ELAPOR2: variants seen among roughly 807,000 people sequenced by gnomAD.
ELAPOR2 encodes the protein endosome-lysosome associated apoptosis and autophagy regulator family member 2, also known as endosome/lysosome-associated apoptosis and autophagy regulator family member 2.
A neutral mutation model predicts 120.7 loss-of-function variants in ELAPOR2; 89 were observed. That is an observed-to-expected ratio of 0.74 (90% CI 0.62 to 0.88). ELAPOR2 has a LOEUF of 0.88. Ranked by LOEUF, ELAPOR2 falls within the 40% of genes least tolerant of loss-of-function variation. ELAPOR2 has a pLI of 0.00. For missense variants in ELAPOR2, 1,134 were observed against 1,251.6 expected (o/e 0.91, Z 1.42); for synonymous variants, 444 against 444.9 (o/e 1.00, Z 0.03).
chr7:86,924,127 C>T (rs1214267627), intron 10 of ELAPOR2, among the ~76,000 whole-genome samples: 1 of 152,022 alleles, frequency 6.6e-6, no homozygotes, highest in Non-Finnish European at 1.5e-5. Context: ...ACAAAATATA[C>T]ATCACCTTTT....
At chr7:86,975,215 A>T (rs937248499) in intron 1 of ELAPOR2, among the ~76,000 whole-genome samples, 13 of 152,332 alleles carry the variant, frequency 8.5e-5, no homozygotes, top group African/African-American at 2.2e-4. Context: ...AATTATAAAA[A>T]TTCAATTTAA....
chr7:86,918,516 C>G lies in ELAPOR2; in HGVS notation c.1519G>C (p.Gly507Arg). ...KPPTSMTGAT[G>R]SELGRITFVF... Reference sequence around the variant, plus strand: ...AATGTTATTCTTCCTAGTTCAGAACCCGTGGCTCCAGTCATAGATGTTGGT... The same window carrying G: ...AATGTTATTCTTCCTAGTTCAGAACGCGTGGCTCCAGTCATAGATGTTGGT... Residue 507 changes from glycine (G) to arginine (R), a missense_variant, in exon 12 of 22, where the codon GGT becomes CGT. Coordinates refer to ENST00000450689, the MANE Select transcript of ELAPOR2 (RefSeq NM_001142749.3). 2 of 1,612,746 alleles carry G rather than the reference C, an allele frequency of 1.2e-6. No homozygotes were observed. Among genetic ancestry groups the G allele is most frequent in the South Asian group, 2.2e-5 (2 of 91,042 alleles).
Position 86,989,397 on chromosome 7 carries a change from G to A in ELAPOR2, c.190-24373C>T, listed in dbSNP as rs575393133. 1.2e-4 allele frequency among the ~76,000 whole-genome samples: 18 copies of A among 152,332 alleles called. No individual in the cohort carries two copies. In the East Asian group the frequency reaches 3.3e-3, roughly 28 times the overall value. On this transcript the variant is annotated intron_variant, in intron 1 of 21. Coordinates refer to ENST00000450689, the MANE Select transcript of ELAPOR2 (RefSeq NM_001142749.3). ...AGCCCAGAGCAGACAGGTGCAGTGG[G>A]CTATAGACTGCTATTGCTTCTCCAA...
chr7:86,933,255 T>G (rs1790410709), intron 8 of ELAPOR2, among the ~76,000 whole-genome samples: 1 of 151,972 alleles, frequency 6.6e-6, no homozygotes, highest in Non-Finnish European at 1.5e-5. Context: ...ATTCTTTATC[T>G]TATCCATAAG....
At chr7:87,006,563 G>T (rs892117855) in intron 1 of ELAPOR2, among the ~76,000 whole-genome samples, 1 of 152,074 alleles carries the variant, frequency 6.6e-6, no homozygotes, top group Non-Finnish European at 1.5e-5. Flanking sequence ...TGAAAACTCA[G>T]GATGTGGACA....
chr7:86,913,707 T>C (rs1049062900), intron 13 of ELAPOR2, among the ~76,000 whole-genome samples: 1 of 152,216 alleles, frequency 6.6e-6, no homozygotes, highest in African/African-American at 2.4e-5. Flanking sequence ...CACCATTTCA[T>C]TGAGTCTTCC....
At chr7:86,905,701 G>A (rs1788979672) in intron 18 of ELAPOR2, among the ~76,000 whole-genome samples, 1 of 152,020 alleles carries the variant, frequency 6.6e-6, no homozygotes, top group African/African-American at 2.4e-5. Context: ...GTAGACATCA[G>A]AATTGCCTTG....
intron 1 of ELAPOR2, among the ~76,000 whole-genome samples, chr7:87,022,644 G>A: frequency 1.3e-5 from 2 of 151,430 alleles, no homozygotes; most frequent in Non-Finnish European, 3.0e-5. Context: ...GATCCCTGAG[G>A]AATCGCCACA....
chr7:86,943,963 G>T (rs1790901436), intron 4 of ELAPOR2, among the ~76,000 whole-genome samples: 1 of 152,006 alleles, frequency 6.6e-6, no homozygotes, highest in Admixed American at 6.6e-5. Flanking sequence ...TACAGAGTTG[G>T]AACTAGAGCC....
At chr7:86,915,832 T>G (rs2116128081) in intron 12 of ELAPOR2, among the ~76,000 whole-genome samples, 1 of 151,778 alleles carries the variant, frequency 6.6e-6, no homozygotes, top group South Asian at 2.1e-4. Flanking sequence ...CAGATAGGAA[T>G]AACAGAAAAT....
At chr7:87,030,361 T>TTATAA (rs1327895883) in intron 1 of ELAPOR2, among the ~76,000 whole-genome samples, 7 of 151,846 alleles carry the variant, frequency 4.6e-5, no homozygotes, top group African/African-American at 1.7e-4. Flanking sequence ...AAAAACACTA[T>TTATAA]TAGTCTAAAA....
At chr7:86,952,017 C>T (rs1044216016) in intron 2 of ELAPOR2, among the ~76,000 whole-genome samples, 1 of 152,144 alleles carries the variant, frequency 6.6e-6, no homozygotes, top group Admixed American at 6.5e-5. Flanking sequence ...AAATGCTAAA[C>T]ACATAGTACT....
chr7:86,919,241 T>C lies in ELAPOR2; in HGVS notation c.1469A>G (p.Asn490Ser), dbSNP rs961242711. Residue 490 changes from asparagine (N) to serine (S), a missense_variant, in exon 11 of 22, where the codon AAC becomes AGC. Coordinates refer to ENST00000450689, the MANE Select transcript of ELAPOR2 (RefSeq NM_001142749.3). ...TTACTTAAATCCTGGGATATGCAAGTTTAAGATCAGGTAATCATTGTCAGA... is the reference window on the plus strand; with the variant it reads ...TTACTTAAATCCTGGGATATGCAAGCTTAAGATCAGGTAATCATTGTCAGA... ...GGSDNDYLIL[N>S]LHIPGFKPPT... 3 of 1,611,570 alleles carry C rather than the reference T, an allele frequency of 1.9e-6. No homozygotes were observed. The highest frequency in any genetic ancestry group is 1.7e-5 in the Admixed American group (1 of 59,876).
At chr7:86,898,454 C>G (rs1228941330) in intron 18 of ELAPOR2, among the ~76,000 whole-genome samples, 1 of 149,338 alleles carries the variant, frequency 6.7e-6, no homozygotes, top group Non-Finnish European at 1.5e-5. Context: ...CCTGAATACT[C>G]TAAACACCAC....
At chr7:86,985,245 C>T (rs1189936044) in intron 1 of ELAPOR2, among the ~76,000 whole-genome samples, 1 of 152,112 alleles carries the variant, frequency 6.6e-6, no homozygotes. Flanking sequence ...GGATTCACAG[C>T]CAAATTCTAC....
At chr7:86,959,716 C>T (rs1791629691) in intron 2 of ELAPOR2, among the ~76,000 whole-genome samples, 1 of 152,122 alleles carries the variant, frequency 6.6e-6, no homozygotes, top group Non-Finnish European at 1.5e-5. Context: ...CTATTAAATT[C>T]AGTTTGCTGT....
chr7:86,884,497 C>CCTA (rs1363888672), intron 21 of ELAPOR2, among the ~76,000 whole-genome samples: 1 of 152,112 alleles, frequency 6.6e-6, no homozygotes, highest in African/African-American at 2.4e-5. Context: ...GTGAAAGCCA[C>CCTA]CTAAATAGAG....
intron 1 of ELAPOR2, among the ~76,000 whole-genome samples, chr7:86,990,039 A>AT (rs1008622327): frequency 2.0e-4 from 29 of 147,888 alleles, no homozygotes; most frequent in African/African-American, 4.2e-4. Flanking sequence ...TTCTGCTCTT[A>AT]TTTTTTTTTT....
intron 8 of ELAPOR2, 99 bp downstream of exon 8, chr7:86,938,027 G>T (rs1008960608): frequency 3.5e-6 from 3 of 857,128 alleles, no homozygotes; most frequent in Admixed American, 4.5e-5. Context: ...ACTTACATAC[G>T]TGTGTCATAA....
Sources: gnomAD v4.1 joint callset for allele counts (sites outside exome capture counted in the v4.1 genomes callset) on GRCh38, gnomAD v4.1.1 for gene constraint, MANE v1.5 for transcripts, NCBI Gene and HGNC (gene_info 2026-07-23, HGNC 2026-07-21) for gene names.